Variants in WDR17 observed in about 807,000 individuals in gnomAD.
WDR17 encodes WD repeat domain 17.
Under a neutral mutation model 161.7 loss-of-function variants are expected in WDR17, and 143 were observed. That is an observed-to-expected ratio of 0.88 (90% confidence interval 0.77 to 1.02). WDR17 has a LOEUF of 1.02. WDR17 is among the 50% of genes least tolerant of loss of function. The pLI is 0.00. For synonymous variants in WDR17, 517 were observed against 515.6 expected (o/e 1.00, Z -0.04); for missense variants, 1,469 against 1,520.9 (o/e 0.97, Z 0.57).
intron 1 of WDR17, among the ~76,000 whole-genome samples, chr4:176,084,775 T>C (rs1460311070): frequency 1.4e-5 from 2 of 146,850 alleles, no homozygotes; most frequent in Non-Finnish European, 3.0e-5. Flanking sequence ...TTATATATTA[T>C]ATATATATAT....
intron 1 of WDR17, among the ~76,000 whole-genome samples, chr4:176,071,286 A>G (rs1028685067): frequency 1.4e-4 from 21 of 151,770 alleles, no homozygotes; most frequent in African/African-American, 5.1e-4. Flanking sequence ...TTCTTAGTTT[A>G]TAATTGAAAA....
In WDR17 at chr4:176,179,603, A is replaced by ATT. The variant is rs531364220; in HGVS notation, c.*34_*35dup. On this transcript the variant is annotated 3_prime_UTR_variant, in exon 29 of 29. Transcript: ENST00000508596. ...GATAGAAGATTTTTGTCCATGCTTG[A>ATT]TTTTTTTTTTTAAAGAAAAACTTTC... 23 of 1,282,116 alleles carry ATT rather than the reference A, an allele frequency of 1.8e-5. No individual in the cohort carries two copies. The highest frequency in any genetic ancestry group is 7.8e-5 in the South Asian group (5 of 63,702). 79.4% of individuals were successfully genotyped at this position (1,282,116 alleles called of 1,614,324 possible). A position where few individuals can be genotyped will look rare whatever the true frequency, so the allele number is the denominator to read the frequency against.
intron 1 of WDR17, among the ~76,000 whole-genome samples, chr4:176,070,164 A>G (rs915617828): frequency 2.0e-5 from 3 of 152,196 alleles, no homozygotes; most frequent in African/African-American, 7.2e-5. Flanking sequence ...ATGAACTACT[A>G]AATAAATGAA....
chr4:176,143,488 A>T (rs1181978971), intron 11 of WDR17, among the ~76,000 whole-genome samples: 1 of 146,628 alleles, frequency 6.8e-6, no homozygotes, highest in Non-Finnish European at 1.5e-5. Flanking sequence ...ACATAGTGAG[A>T]CTTCGTCTCT....
In WDR17 at chr4:176,120,061, G is replaced by T. The variant is rs1391839403; in HGVS notation, c.502G>T (p.Gly168Cys). 1.2e-6 allele frequency: 2 copies of T among 1,613,608 alleles called. No homozygotes were observed. The highest frequency in any genetic ancestry group is 1.7e-5 in the Admixed American group (1 of 59,976). Residue 168 changes from glycine to cysteine, a missense_variant, in exon 4 of 29, where the codon GGT becomes TGT. Coordinates refer to ENST00000508596, the MANE Select transcript of WDR17 (RefSeq NM_181265.4). Reference sequence around the variant, plus strand: ...ACACCAAAAGGGGAAAGTTGTGTTTGGTCATATTGATGGAAGTCTATCAAT... The same window carrying T: ...ACACCAAAAGGGGAAAGTTGTGTTTTGTCATATTGATGGAAGTCTATCAAT... ...HTHQKGKVVF[G>C]HIDGSLSIFH...
chr4:176,144,364 C>T (rs10027470), intron 11 of WDR17, among the ~76,000 whole-genome samples: 7,245 of 152,174 alleles, frequency 0.048, 525 homozygotes, highest in African/African-American at 0.16. Context: ...TCGCCAACTA[C>T]GTTATCTGTG....
Position 176,128,706 on chromosome 4 carries a change from G to A in WDR17, c.791-32G>A, listed in dbSNP as rs779213816. The A allele has an allele frequency of 8.5e-5, 135 of 1,582,932 alleles. 1 individual carries two copies. The Middle Eastern group carries it at 4.2e-3, about 50-fold the overall frequency. On this transcript the variant is annotated intron_variant, in intron 5 of 28. Transcript: ENST00000508596. ...GGCATTTTAGTTTCATACAAAACTTGTTAAAATGTGCTTTTTCCCTGATCT... is the reference window on the plus strand; with the variant it reads ...GGCATTTTAGTTTCATACAAAACTTATTAAAATGTGCTTTTTCCCTGATCT...
At chr4:176,096,557 A>G (rs1736899253) in intron 1 of WDR17, 1 of 1,602,196 alleles carries the variant, frequency 6.2e-7, no homozygotes, top group Middle Eastern at 1.7e-4. Flanking sequence ...TGGTTTGAGC[A>G]AGATGATTGG....
At chr4:176,083,352 T>C (rs1196536582) in intron 1 of WDR17, among the ~76,000 whole-genome samples, 1 of 152,130 alleles carries the variant, frequency 6.6e-6, no homozygotes, top group Non-Finnish European at 1.5e-5. Flanking sequence ...GTTTTTATTT[T>C]TGTTTTTAAG....
intron 1 of WDR17, among the ~76,000 whole-genome samples, chr4:176,095,307 C>G (rs757390150): frequency 7.0e-4 from 107 of 152,222 alleles, no homozygotes; most frequent in Middle Eastern, 6.8e-3. Flanking sequence ...GTAACAGATT[C>G]AAGGAAGTCA....
rs147385925 is a variant in WDR17, at chr4:176,122,011, C to A, written c.538+1914C>A. On this transcript the variant is annotated intron_variant, in intron 4 of 28. Transcript: ENST00000508596. The stretch of plus-strand genomic sequence containing the variant: ...GTTTATTAGGGCTGATGTAAGAAGA[C>A]TATCACAAACAGGACAGCTTAGAAC... Among the ~76,000 whole-genome samples the A allele has an allele frequency of 5.2e-3, 785 of 152,302 alleles. 17 individuals carry two copies. Among genetic ancestry groups the A allele is most frequent in the Admixed American group, 0.04 (611 of 15,300 alleles).
chr4:176,100,567 G>T (rs924417028), intron 1 of WDR17, among the ~76,000 whole-genome samples: 2 of 151,996 alleles, frequency 1.3e-5, no homozygotes, highest in Admixed American at 6.6e-5. Context: ...TTCTTTGGTT[G>T]TGCAGGAGCT....
intron 4 of WDR17, among the ~76,000 whole-genome samples, chr4:176,121,391 A>G (rs1219723499): frequency 6.6e-6 from 1 of 152,130 alleles, no homozygotes; most frequent in East Asian, 1.9e-4. Context: ...CAGGAATGCA[A>G]TCTATAATAA....
At chr4:176,138,405 C>G (rs1315147239) in intron 9 of WDR17, among the ~76,000 whole-genome samples, 1 of 151,688 alleles carries the variant, frequency 6.6e-6, no homozygotes, top group Non-Finnish European at 1.5e-5. Context: ...AGTAGCGTAG[C>G]AAATGCAGAG....
chr4:176,139,893 A>G lies in WDR17; in HGVS notation c.1361A>G (p.His454Arg), dbSNP rs755118538. 11 of 1,605,056 alleles carry G rather than the reference A, an allele frequency of 6.9e-6. No individual in the cohort carries two copies. The highest frequency in any genetic ancestry group is 8.5e-6 in the Non-Finnish European group (10 of 1,176,706). Reference sequence around the variant, plus strand: ...ATAGGTATTTTACATTTTTTGAAGCATGGAACAAATGGAATATTCTGCATT... The same window carrying G: ...ATAGGTATTTTACATTTTTTGAAGCGTGGAACAAATGGAATATTCTGCATT... Reference protein sequence around the residue: ...KGKIIQRFNEHGTNGIFCIAW... With the variant: ...KGKIIQRFNERGTNGIFCIAW... Residue 454 changes from histidine (H) to arginine (R), a missense_variant and splice_region_variant, in exon 10 of 29, where the codon CAT (histidine) becomes CGT (arginine). By Grantham distance (29) the His-to-Arg change is conservative. Transcript: ENST00000508596.
At chr4:176,118,396 T>C (rs573327098) in intron 3 of WDR17, among the ~76,000 whole-genome samples, 36 of 152,358 alleles carry the variant, frequency 2.4e-4, no homozygotes, top group Admixed American at 1.1e-3. Flanking sequence ...ATTCTACTTC[T>C]GTTAATGTAT....
In WDR17 at chr4:176,172,430, A is replaced by T; in HGVS notation, c.3158A>T (p.Asp1053Val). Residue 1053 changes from aspartate (D) to valine (V), a missense_variant, in exon 24 of 29, where the codon GAT becomes GTT. Coordinates refer to ENST00000508596, the MANE Select transcript of WDR17 (RefSeq NM_181265.4). ...CAGTTAGCTGAGACAGCCCGTGCAG[A>T]TGACAATATATTTGAAACTGTAAAA... ...CMQLAETARA[D>V]DNIFETVKYY... The T allele has an allele frequency of 3.1e-6, 5 of 1,612,144 alleles. No individual in the cohort carries two copies. The highest frequency in any genetic ancestry group is 2.5e-6 in the Non-Finnish European group (3 of 1,179,528).
intron 17 of WDR17, among the ~76,000 whole-genome samples, chr4:176,153,598 C>T (rs1309410312): frequency 1.3e-5 from 2 of 152,086 alleles, no homozygotes; most frequent in East Asian, 3.9e-4. Flanking sequence ...CCAAAACAAC[C>T]GTTAGAATGG....
In WDR17 at chr4:176,102,996, A is replaced by C. The variant is rs947861600; in HGVS notation, c.-6-8579A>C. Among the ~76,000 whole-genome samples the C allele has an allele frequency of 1.2e-4, 18 of 152,290 alleles. No homozygotes were observed. The South Asian group carries it at 1.9e-3, about 16-fold the overall frequency. ...TATCAGTGATCTACTGCTTCTGATC[A>C]CAGAAGTGCAGACAAAGAGGCAGGC... On this transcript the variant is annotated intron_variant, in intron 1 of 28. Transcript: ENST00000508596.
Sources: gnomAD v4.1 joint callset for allele counts (sites outside exome capture counted in the v4.1 genomes callset) on GRCh38, gnomAD v4.1.1 for gene constraint, MANE v1.5 for transcripts, NCBI Gene and HGNC (gene_info 2026-07-23, HGNC 2026-07-21) for gene names.